The following MAPK10 variants were observed in gnomAD, a reference collection of about 807,000 sequenced individuals.
MAPK10 encodes mitogen-activated protein kinase 10.
In MAPK10, 25 loss-of-function variants were observed where a neutral mutation model predicts 59.3. That is an observed-to-expected ratio of 0.42 (90% confidence interval 0.31 to 0.59). The LOEUF (loss-of-function observed/expected upper bound fraction) is 0.59, where lower values mean the gene tolerates loss of function less well. Ranked by LOEUF, MAPK10 falls within the 20% of genes least tolerant of loss-of-function variation. MAPK10 has a pLI of 0.15. For synonymous variants in MAPK10, 190 were observed against 200.5 expected (o/e 0.95, Z 0.44); for missense variants, 351 against 568.9 (o/e 0.62, Z 3.90).
At chr4:86,209,303 T>C (rs914989509) in intron 2 of MAPK10, among the ~76,000 whole-genome samples, 1 of 152,086 alleles carries the variant, frequency 6.6e-6, no homozygotes, top group Non-Finnish European at 1.5e-5. Flanking sequence ...ACTGATGTAT[T>C]CACGTATATA....
intron 2 of MAPK10, among the ~76,000 whole-genome samples, chr4:86,208,542 C>T (rs1021749296): frequency 1.3e-5 from 2 of 151,668 alleles, no homozygotes; most frequent in African/African-American, 2.4e-5. Context: ...TTCAACAACA[C>T]TTCATGCTAA....
chr4:86,089,087 G>A, intron 9 of MAPK10: 1 of 705,126 alleles, frequency 1.4e-6, no homozygotes. Context: ...TTGACATTGA[G>A]TCTCATAGAA....
At position 86,052,364 on chromosome 4, in the gene MAPK10, T is replaced by C. The variant is rs146958414; in HGVS notation, c.1110+11902A>G. On this transcript the variant is annotated intron_variant, in intron 11 of 13. Coordinates refer to ENST00000641462, the MANE Select transcript of MAPK10 (RefSeq NM_138982.4). ...CCCATCCACTGAAAACTTTCTTTAC[T>C]AGACTCATGATTTTCAAAATTTTAA... Among the ~76,000 whole-genome samples the C allele has an allele frequency of 2.1e-3, 318 of 152,250 alleles. 2 individuals are homozygous for C. Among genetic ancestry groups the C allele is most frequent in the African/African-American group, 7.3e-3 (302 of 41,558 alleles).
intron 2 of MAPK10, among the ~76,000 whole-genome samples, chr4:86,237,294 T>G (rs901526565): frequency 1.3e-5 from 2 of 152,198 alleles, no homozygotes; most frequent in African/African-American, 4.8e-5. Context: ...CGTGCTATTG[T>G]AAATAGTGCT....
chr4:86,352,003 T>G (rs1397275162), intron 2 of MAPK10, among the ~76,000 whole-genome samples: 1 of 152,196 alleles, frequency 6.6e-6, no homozygotes, highest in Non-Finnish European at 1.5e-5. Context: ...CTTTTATGAG[T>G]ACAATTATGT....
At chr4:86,081,423 A>G (rs1371373156) in intron 9 of MAPK10, 1 of 152,050 alleles carries the variant, frequency 6.6e-6, no homozygotes. Flanking sequence ...TAATCCAAAT[A>G]CAAGAAGATA....
intron 2 of MAPK10, among the ~76,000 whole-genome samples, chr4:86,228,756 C>T (rs373674824): frequency 1.1e-4 from 17 of 150,964 alleles, no homozygotes; most frequent in African/African-American, 3.5e-4. Flanking sequence ...CAGCACTTTA[C>T]ATAGTAGTCA....
intron 2 of MAPK10, among the ~76,000 whole-genome samples, chr4:86,224,138 AT>A (rs1409379287): frequency 1.3e-5 from 2 of 152,182 alleles, no homozygotes; most frequent in Non-Finnish European, 2.9e-5. Context: ...CACTGAACAA[AT>A]GAAACTGTTT....
At chr4:86,373,729 G>A (rs1324698134) in intron 1 of MAPK10, among the ~76,000 whole-genome samples, 4 of 152,186 alleles carry the variant, frequency 2.6e-5, no homozygotes, top group Non-Finnish European at 5.9e-5. Context: ...CAGTTAGAAT[G>A]GTGATCATGA....
chr4:86,092,360 T>C (rs1170963459), intron 9 of MAPK10, among the ~76,000 whole-genome samples: 1 of 152,112 alleles, frequency 6.6e-6, no homozygotes, highest in Non-Finnish European at 1.5e-5. Flanking sequence ...CTCTGTTATC[T>C]TGAATTACAA....
intron 2 of MAPK10, among the ~76,000 whole-genome samples, chr4:86,329,214 T>G (rs7687972): frequency 6.6e-6 from 1 of 151,904 alleles, no homozygotes; most frequent in East Asian, 1.9e-4. Context: ...TATTCTGTTA[T>G]AGAAGCACAA....
intron 2 of MAPK10, among the ~76,000 whole-genome samples, chr4:86,202,463 A>G (rs1364584444): frequency 1.3e-5 from 2 of 151,978 alleles, no homozygotes; most frequent in Non-Finnish European, 2.9e-5. Flanking sequence ...TATTGTTGGT[A>G]TATAGATAAT....
intron 2 of MAPK10, among the ~76,000 whole-genome samples, chr4:86,194,623 T>C (rs1374304673): frequency 6.6e-6 from 1 of 152,050 alleles, no homozygotes. Flanking sequence ...ATCAATTCCA[T>C]CACACTCATA....
At chr4:86,064,750 T>G (rs1253674049) in intron 10 of MAPK10, 1 of 183,176 alleles carries the variant, frequency 5.5e-6, no homozygotes, top group East Asian at 1.5e-4. Context: ...AAATGCATGA[T>G]GTTCAACAAA....
At chr4:86,446,386 T>A (rs1380513916) in intron 1 of MAPK10, among the ~76,000 whole-genome samples, 4 of 152,128 alleles carry the variant, frequency 2.6e-5, no homozygotes, top group Admixed American at 1.3e-4. Context: ...TTCAAGAATT[T>A]ATTTATTTAT....
chr4:86,358,993 C>T (rs761174455), intron 1 of MAPK10: 3 of 151,950 alleles, frequency 2.0e-5, no homozygotes, highest in Non-Finnish European at 2.9e-5. Context: ...CTAACCTGAC[C>T]CCTGTTCTGT....
intron 2 of MAPK10, among the ~76,000 whole-genome samples, chr4:86,276,009 G>A (rs947561978): frequency 1.3e-5 from 2 of 152,068 alleles, no homozygotes; most frequent in African/African-American, 2.4e-5. Flanking sequence ...GAATCCACAA[G>A]TTGTTTAATA....
intron 1 of MAPK10, among the ~76,000 whole-genome samples, chr4:86,550,053 T>C (rs1366034865): frequency 2.0e-5 from 3 of 152,120 alleles, no homozygotes. Flanking sequence ...GGTGTATAGA[T>C]TTACCATCTG....
rs181873364 is a variant in MAPK10, at chr4:86,570,837, G to A, written c.-263+23073C>T. Reference sequence around the variant, plus strand: ...CGAAACAAGGGGGATGGGCAGAGGAGTCACCAAGAGGTTGGAGGAGGGTCT... The same window carrying A: ...CGAAACAAGGGGGATGGGCAGAGGAATCACCAAGAGGTTGGAGGAGGGTCT... On this transcript the variant is annotated intron_variant, in intron 1 of 4. Coordinates refer to the MAPK10 transcript ENST00000502302. Among the ~76,000 whole-genome samples the A allele has an allele frequency of 2.6e-4, 39 of 152,284 alleles. No homozygotes were observed. In the South Asian group the frequency reaches 6.0e-3, roughly 23 times the overall value.
Sources: allele counts gnomAD v4.1 joint callset (sites outside exome capture counted in the v4.1 genomes callset), GRCh38; gene constraint gnomAD v4.1.1; transcripts MANE v1.5; gene names NCBI Gene and HGNC (gene_info 2026-07-23, HGNC 2026-07-21).